Variants in STK32C observed in about 807,000 individuals in gnomAD.
The protein encoded by STK32C is serine/threonine-protein kinase 32C.
Under a neutral mutation model 56.5 loss-of-function variants are expected in STK32C, and 31 were observed. The observed-to-expected ratio is 0.55, with a 90% CI of 0.41 to 0.74. The LOEUF (loss-of-function observed/expected upper bound fraction) is 0.74, where lower values mean the gene tolerates loss of function less well. Ranked by LOEUF, STK32C falls within the 30% of genes least tolerant of loss-of-function variation. The pLI is 0.00. For synonymous variants in STK32C, 309 were observed against 289.4 expected, an observed-to-expected ratio of 1.07 and a Z score of -0.69; for missense variants, 544 against 676.9, an observed-to-expected ratio of 0.80 and a Z score of 2.18.
exon 1 of STK32C, chr10:132,331,620 C>T (rs765801214): frequency 3.1e-6 from 5 of 1,612,910 alleles, no homozygotes; most frequent in Non-Finnish European, 4.2e-6. Context: ...GCGGGAAGGA[C>T]AGGCAGCGAG....
chr10:132,242,990 T>G (rs1256377761), intron 2 of STK32C, among the ~76,000 whole-genome samples: 2 of 152,112 alleles, frequency 1.3e-5, no homozygotes, highest in Non-Finnish European at 2.9e-5. Context: ...GGGCCCACCT[T>G]ACAGGCCAGA....
chr10:132,321,578 CCA>C (rs1261890010), downstream of STK32C, among the ~76,000 whole-genome samples: 1 of 152,100 alleles, frequency 6.6e-6, no homozygotes, highest in Non-Finnish European at 1.5e-5. Flanking sequence ...GCCTATAATC[CCA>C]GCACTTTGGG....
At chr10:132,312,332 G>C (rs920239667), upstream of STK32C, among the ~76,000 whole-genome samples, 3 of 152,024 alleles carry the variant, frequency 2.0e-5, no homozygotes, top group African/African-American at 4.8e-5. Context: ...TTTTCAGCTC[G>C]AAAGTCTCCA....
chr10:132,247,582 G>A (rs2063737066), intron 1 of STK32C, among the ~76,000 whole-genome samples: 1 of 152,148 alleles, frequency 6.6e-6, no homozygotes, highest in East Asian at 1.9e-4. Context: ...GGAAGGGAGG[G>A]GGTGCCTAGG....
intron 1 of STK32C, among the ~76,000 whole-genome samples, chr10:132,267,992 TGTGTGTGTCG>T (rs1165289623): frequency 1.3e-5 from 2 of 150,448 alleles, no homozygotes; most frequent in Middle Eastern, 3.3e-3. Flanking sequence ...CGTGTGTGTG[TGTGTGTGTCG>T]GTGTGTGTGC....
At chr10:132,234,134 G>T (rs2063193409) in intron 2 of STK32C, among the ~76,000 whole-genome samples, 1 of 152,138 alleles carries the variant, frequency 6.6e-6, no homozygotes, top group Non-Finnish European at 1.5e-5. Flanking sequence ...GATAACCAAG[G>T]CTCTTAACAC....
At chr10:132,239,705 C>T (rs1211522409) in intron 2 of STK32C, among the ~76,000 whole-genome samples, 3 of 152,242 alleles carry the variant, frequency 2.0e-5, no homozygotes, top group Non-Finnish European at 2.9e-5. Context: ...GGCCAGCAGA[C>T]GCTGCTGGAC....
chr10:132,243,871 C>G (rs1261747030), intron 2 of STK32C, among the ~76,000 whole-genome samples: 1 of 152,260 alleles, frequency 6.6e-6, no homozygotes, highest in Non-Finnish European at 1.5e-5. Flanking sequence ...CCCCTCAACC[C>G]GGAGCCATTT....
upstream of STK32C, among the ~76,000 whole-genome samples, chr10:132,310,257 G>C (rs929576584): frequency 6.6e-6 from 1 of 152,210 alleles, no homozygotes; most frequent in Non-Finnish European, 1.5e-5. The surrounding 1 kb of genome is among the most constrained non-coding windows in gnomAD (Gnocchi z 4.6). Flanking sequence ...CAGGAAACAG[G>C]AAGGATCTGT....
intron 10 of STK32C, among the ~76,000 whole-genome samples, chr10:132,213,561 A>T (rs368159079): frequency 1.3e-5 from 2 of 152,242 alleles, no homozygotes; most frequent in Non-Finnish European, 2.9e-5. Context: ...AGGCCCATCT[A>T]CTTCAGCTCT....
chr10:132,284,773 T>C (rs145797890), intron 1 of STK32C, among the ~76,000 whole-genome samples: 757 of 60,970 alleles, frequency 0.012, no homozygotes, highest in African/African-American at 0.043. Context: ...CATTCCCACG[T>C]CTGCCCAAAG....
At chr10:132,253,617 G>A (rs893747779) in intron 1 of STK32C, among the ~76,000 whole-genome samples, 1 of 149,226 alleles carries the variant, frequency 6.7e-6, no homozygotes, top group African/African-American at 2.4e-5. Context: ...GGAGCCGAGG[G>A]AGCTGGAGGG....
Position 132,307,441 on chromosome 10 carries a change from TCTC to T in STK32C, c.262+128_262+130del. 9.3e-7 allele frequency: 1 copy of T among 1,078,700 alleles called. No homozygotes were observed. Among genetic ancestry groups the T allele is most frequent in the South Asian group, 1.9e-5 (1 of 52,162 alleles). 66.8% of individuals were successfully genotyped at this position (1,078,700 alleles called of 1,614,324 possible). On this transcript the variant is annotated intron_variant, in intron 1 of 11. Transcript: ENST00000298630. This position sits in a 1 kb window ranked among gnomAD's most constrained non-coding sequence, Gnocchi z 4.4. The stretch of plus-strand genomic sequence containing the variant: ...GGGCCGCAGCCACCCGGCGCGAGCT[TCTC>T]CGGAAGCCGGGGCGCCCCGGGAAGC...
chr10:132,323,047 T>G (rs969271400), downstream of STK32C, among the ~76,000 whole-genome samples: 2 of 152,154 alleles, frequency 1.3e-5, no homozygotes, highest in African/African-American at 4.8e-5. The surrounding 1 kb of genome is among the most constrained non-coding windows in gnomAD (Gnocchi z 4.8). Context: ...CTGGTCTAAG[T>G]GCTGCCCTGC....
At chr10:132,237,001 AC>A (rs1285431530) in intron 2 of STK32C, among the ~76,000 whole-genome samples, 1 of 151,788 alleles carries the variant, frequency 6.6e-6, no homozygotes, top group Non-Finnish European at 1.5e-5. Context: ...TATCACGGAA[AC>A]CCTGTCTGCC....
intron 1 of STK32C, among the ~76,000 whole-genome samples, chr10:132,330,693 T>A (rs7086152): frequency 0.37 from 53,389 of 144,406 alleles, 10,065 homozygotes; most frequent in Non-Finnish European, 0.4. Flanking sequence ...TTTTTTTTTT[T>A]AATTTTTGTA....
chr10:132,227,110 C>T (rs2062917933), intron 3 of STK32C, 142 bp from the exon 4 acceptor site: 5 of 963,708 alleles, frequency 5.2e-6, no homozygotes, highest in Non-Finnish European at 7.8e-6. Flanking sequence ...AGGGGCCTGC[C>T]CAAGGCACTG....
chr10:132,240,079 C>G (rs79580475), intron 2 of STK32C, among the ~76,000 whole-genome samples: 3,137 of 152,094 alleles, frequency 0.021, 109 homozygotes, highest in African/African-American at 0.07. Context: ...AGGCCCCCCC[C>G]AAAGAAGACC....
At chr10:132,216,466 T>C (rs1307668083) in intron 10 of STK32C, among the ~76,000 whole-genome samples, 3 of 70,626 alleles carry the variant, frequency 4.2e-5, no homozygotes, top group African/African-American at 1.1e-4. Flanking sequence ...CAAGACTGTC[T>C]CAAAAAAAAA....
Sources: gnomAD v4.1 joint callset for allele counts (sites outside exome capture counted in the v4.1 genomes callset) on GRCh38, gnomAD v4.1.1 for gene constraint, Gnocchi (gnomAD v3.1) non-coding constraint, MANE v1.5 for transcripts, NCBI Gene and HGNC (gene_info 2026-07-23, HGNC 2026-07-21) for gene names.